Variants in EBPL observed in about 807,000 individuals in gnomAD.
The protein encoded by EBPL is emopamil-binding protein-like.
EBPL carries 20 observed loss-of-function variants against 19.0 expected under a neutral mutation model. That is an observed-to-expected ratio of 1.05 (90% CI 0.74 to 1.53). The LOEUF (loss-of-function observed/expected upper bound fraction) is 1.53, where lower values mean the gene tolerates loss of function less well. EBPL is among the 40% of genes most tolerant of loss of function. EBPL has a pLI of 0.00. For missense variants in EBPL, 219 were observed against 261.1 expected (o/e 0.84, Z 1.11); for synonymous variants, 107 against 117.0 (o/e 0.91, Z 0.55).
intron 1 of EBPL, among the ~76,000 whole-genome samples, chr13:49,672,567 T>C (rs527568960): frequency 8.5e-5 from 13 of 152,170 alleles, no homozygotes; most frequent in South Asian, 8.3e-4. Flanking sequence ...AAAGGGATAA[T>C]AGAAAACAAG....
chr13:49,663,910 G>A (rs1341913199), intron 2 of EBPL, among the ~76,000 whole-genome samples: 1 of 138,192 alleles, frequency 7.2e-6, no homozygotes, highest in African/African-American at 2.7e-5. Context: ...GGGTGACAGA[G>A]CGAGACTCCG....
intron 1 of EBPL, among the ~76,000 whole-genome samples, chr13:49,670,852 C>T (rs1953808286): frequency 6.6e-6 from 1 of 152,178 alleles, no homozygotes. Flanking sequence ...AGTATGACAG[C>T]CTCTACCAGG....
chr13:49,678,806 G>C (rs1178032236), intron 1 of EBPL, among the ~76,000 whole-genome samples: 1 of 151,982 alleles, frequency 6.6e-6, no homozygotes, highest in Non-Finnish European at 1.5e-5. Context: ...GAGAGCGAGT[G>C]AGGCCTGTTA....
At chr13:49,679,352 G>A (rs942031) in intron 1 of EBPL, among the ~76,000 whole-genome samples, 95,895 of 151,972 alleles carry the variant, frequency 0.63, 32,019 homozygotes, top group East Asian at 0.77. Context: ...ATTCATGTTT[G>A]AGCTCAACAA....
At chr13:49,666,711 CAAAAA>C (rs35086927) in intron 2 of EBPL, among the ~76,000 whole-genome samples, 4 of 81,014 alleles carry the variant, frequency 4.9e-5, no homozygotes, top group Non-Finnish European at 8.6e-5. Context: ...GACTCCGTCT[CAAAAA>C]AAAAAAAAAA....
chr13:49,691,173 C>CA (rs1954059343), intron 1 of EBPL, 81 bp downstream of exon 1: 9 of 1,194,296 alleles, frequency 7.5e-6, no homozygotes, highest in Middle Eastern at 6.5e-4. Context: ...CAAAAAGCCG[C>CA]AGGACCCCCT....
At chr13:49,690,458 A>T (rs1420307506) in intron 1 of EBPL, among the ~76,000 whole-genome samples, 4 of 150,828 alleles carry the variant, frequency 2.7e-5, no homozygotes, top group South Asian at 2.1e-4. Flanking sequence ...GGCATAGTTT[A>T]AAAAAAACTT....
intron 1 of EBPL, among the ~76,000 whole-genome samples, chr13:49,687,430 T>C (rs1050700482): frequency 1.3e-5 from 2 of 152,192 alleles, no homozygotes; most frequent in African/African-American, 4.8e-5. Flanking sequence ...ACCTGCACCA[T>C]GTTGAGAGAC....
intron 1 of EBPL, 57 bp downstream of exon 1, chr13:49,691,197 C>T: frequency 7.9e-7 from 1 of 1,266,872 alleles, no homozygotes; most frequent in East Asian, 3.1e-5. Context: ...CCCGCCTTGC[C>T]GCCCCCGCTC....
chr13:49,681,905 A>C (rs1953947039), intron 1 of EBPL, among the ~76,000 whole-genome samples: 1 of 152,218 alleles, frequency 6.6e-6, no homozygotes. Context: ...GAAGTGGAGC[A>C]GGAATAGAAT....
intron 1 of EBPL, among the ~76,000 whole-genome samples, chr13:49,683,815 A>G (rs746092647): frequency 6.6e-6 from 1 of 152,210 alleles, no homozygotes; most frequent in Non-Finnish European, 1.5e-5. Flanking sequence ...TACTAAACTG[A>G]AAGAATCCCA....
chr13:49,681,473 TAG>T (rs1331877553), intron 1 of EBPL, among the ~76,000 whole-genome samples: 1 of 152,170 alleles, frequency 6.6e-6, no homozygotes, highest in Non-Finnish European at 1.5e-5. Flanking sequence ...GTATTTTTAG[TAG>T]AGACAGGTTT....
intron 1 of EBPL, among the ~76,000 whole-genome samples, chr13:49,678,332 G>T (rs1307255731): frequency 6.6e-6 from 1 of 152,222 alleles, no homozygotes; most frequent in African/African-American, 2.4e-5. Context: ...GCCGCGCGCC[G>T]GCACTCCTCA....
chr13:49,680,045 ACC>A (rs1285914250), intron 1 of EBPL, among the ~76,000 whole-genome samples: 2 of 152,150 alleles, frequency 1.3e-5, no homozygotes, highest in Non-Finnish European at 2.9e-5. Context: ...GATGGTGAGG[ACC>A]CTAAGCGGAG....
chr13:49,670,661 C>T (rs975692589), intron 1 of EBPL, among the ~76,000 whole-genome samples: 2 of 152,204 alleles, frequency 1.3e-5, no homozygotes, highest in Non-Finnish European at 2.9e-5. Flanking sequence ...TTTCCTTCGA[C>T]TACTAGCAGG....
chr13:49,673,962 T>TACACACACACACACACACACAC lies in EBPL; in HGVS notation c.172-4138_172-4117dup, dbSNP rs56323070. 3.4e-3 allele frequency among the ~76,000 whole-genome samples: 494 copies of TACACACACACACACACACACAC among 143,348 alleles called. 5 individuals carry two copies. The highest frequency in any genetic ancestry group is 7.4e-3 in the Admixed American group (102 of 13,860). The allele number at this position is 143,348 out of a possible 152,430, so 94.0% of individuals were successfully genotyped here. A position where few individuals can be genotyped will look rare whatever the true frequency, so the allele number is the denominator to read the frequency against. ...GTTGATACAATTATATGGAACTTAA[T>TACACACACACACACACACACAC]ACACACACACACACACACACACACA... On this transcript the variant is annotated intron_variant, in intron 1 of 3. Transcript: ENST00000242827.
At chr13:49,666,698 T>A (rs1594405389) in intron 2 of EBPL, among the ~76,000 whole-genome samples, 1 of 88,814 alleles carries the variant, frequency 1.1e-5, no homozygotes. Context: ...GGCGAAAGAG[T>A]GAGACTCCGT....
chr13:49,687,264 C>T (rs577932342), intron 1 of EBPL, among the ~76,000 whole-genome samples: 5 of 152,276 alleles, frequency 3.3e-5, no homozygotes, highest in African/African-American at 1.2e-4. Flanking sequence ...TTACCACATT[C>T]TCCCCTGGAA....
chr13:49,687,839 C>T (rs532508906), intron 1 of EBPL, among the ~76,000 whole-genome samples: 3 of 152,316 alleles, frequency 2.0e-5, no homozygotes, highest in African/African-American at 7.2e-5. Context: ...GGTAAAATCT[C>T]GGACGCTAGA....
Sources: gnomAD v4.1 joint callset for allele counts (sites outside exome capture counted in the v4.1 genomes callset) on GRCh38, gnomAD v4.1.1 for gene constraint, MANE v1.5 for transcripts, NCBI Gene and HGNC (gene_info 2026-07-23, HGNC 2026-07-21) for gene names.